SCFD2: variants seen among roughly 807,000 people sequenced by gnomAD.
SCFD2 encodes the protein sec1 family domain containing 2.
SCFD2 carries 54 observed loss-of-function variants against 58.9 expected under a neutral mutation model. The ratio of observed to expected loss-of-function variants is 0.92; its 90% CI spans 0.74 to 1.15. The LOEUF (loss-of-function observed/expected upper bound fraction) is 1.15. Ranked by LOEUF, SCFD2 falls within the 50% of genes most tolerant of loss-of-function variation. The pLI, the probability that SCFD2 is intolerant of heterozygous loss-of-function variation, is 0.00. For missense variants in SCFD2, 805 were observed against 836.6 expected (o/e 0.96, Z 0.47); for synonymous variants, 321 against 335.9 (o/e 0.96, Z 0.49).
chr4:53,004,613 G>A (rs1417322546), intron 5 of SCFD2, among the ~76,000 whole-genome samples: 1 of 152,228 alleles, frequency 6.6e-6, no homozygotes, highest in African/African-American at 2.4e-5. Context: ...AAGTGGTAGA[G>A]TTAGAATTTG....
chr4:53,358,772 T>C (rs1407585987), intron 1 of SCFD2, among the ~76,000 whole-genome samples: 1 of 152,130 alleles, frequency 6.6e-6, no homozygotes, highest in Non-Finnish European at 1.5e-5. Context: ...TTTTTAATTG[T>C]CCCTGGAAAC....
intron 6 of SCFD2, among the ~76,000 whole-genome samples, chr4:52,909,612 T>G (rs73143093): frequency 0.018 from 2,765 of 151,972 alleles, 106 homozygotes; most frequent in African/African-American, 0.064. Context: ...ATTGTATTGT[T>G]TATTTATTTA....
At chr4:52,989,241 T>C (rs1303795583) in intron 5 of SCFD2, among the ~76,000 whole-genome samples, 1 of 152,210 alleles carries the variant, frequency 6.6e-6, no homozygotes, top group African/African-American at 2.4e-5. Context: ...TTGTGGATTA[T>C]CTTATTAGTC....
intron 3 of SCFD2, among the ~76,000 whole-genome samples, chr4:53,295,298 G>A (rs1245819180): frequency 6.6e-6 from 1 of 152,114 alleles, no homozygotes; most frequent in East Asian, 1.9e-4. Context: ...CCATTTGTTT[G>A]TGTCCTCTCT....
chr4:52,927,189 T>C (rs181107432), intron 5 of SCFD2, among the ~76,000 whole-genome samples: 135 of 152,290 alleles, frequency 8.9e-4, no homozygotes, highest in African/African-American at 3.1e-3. Context: ...TACAAACATT[T>C]CTAAATTATT....
intron 3 of SCFD2, among the ~76,000 whole-genome samples, chr4:53,310,950 A>G (rs1458857198): frequency 6.6e-6 from 1 of 152,234 alleles, no homozygotes; most frequent in Non-Finnish European, 1.5e-5. Flanking sequence ...TTTATACTTC[A>G]GTAGAAACTA....
intron 4 of SCFD2, among the ~76,000 whole-genome samples, chr4:53,258,577 T>TATATATATATATATATATATATAC (rs757658747): frequency 1.2e-4 from 15 of 121,336 alleles, no homozygotes; most frequent in East Asian, 2.6e-4. Flanking sequence ...TATATATATA[T>TATATATATATATATATATATATAC]ACACACACAT....
At chr4:53,343,659 A>AT (rs1313724352) in intron 2 of SCFD2, among the ~76,000 whole-genome samples, 4 of 152,212 alleles carry the variant, frequency 2.6e-5, no homozygotes, top group Non-Finnish European at 5.9e-5. Flanking sequence ...AAAAAAGAGA[A>AT]TTTTAGACCA....
At chr4:52,956,393 T>C (rs955651615) in intron 5 of SCFD2, 4 of 371,000 alleles carry the variant, frequency 1.1e-5, no homozygotes. Flanking sequence ...TAAATTATCT[T>C]AAGGAAAAGA....
chr4:52,939,887 T>C (rs1374923448), intron 5 of SCFD2, among the ~76,000 whole-genome samples: 1 of 152,204 alleles, frequency 6.6e-6, no homozygotes, highest in African/African-American at 2.4e-5. Flanking sequence ...CACACATAAC[T>C]CTGGTGGCAT....
chr4:53,339,751 C>A (rs1380273285), intron 2 of SCFD2, among the ~76,000 whole-genome samples: 1 of 151,102 alleles, frequency 6.6e-6, no homozygotes, highest in Non-Finnish European at 1.5e-5. Flanking sequence ...ACCTAGGCAA[C>A]AGAGTGAGAC....
chr4:53,056,150 T>C (rs929941838), intron 5 of SCFD2, among the ~76,000 whole-genome samples: 1 of 146,742 alleles, frequency 6.8e-6, no homozygotes, highest in African/African-American at 2.5e-5. Context: ...TTTCAGGTCA[T>C]AGGGGAAGGC....
At chr4:53,137,018 CCT>C (rs1288296769) in intron 5 of SCFD2, among the ~76,000 whole-genome samples, 29 of 152,328 alleles carry the variant, frequency 1.9e-4, no homozygotes, top group African/African-American at 7.0e-4. Flanking sequence ...CTTAGAATTT[CCT>C]CTGTTAGAGA....
At chr4:53,347,812 A>G (rs1308807097) in intron 2 of SCFD2, among the ~76,000 whole-genome samples, 2 of 152,240 alleles carry the variant, frequency 1.3e-5, no homozygotes, top group African/African-American at 2.4e-5. Context: ...CTTGGCTTTC[A>G]CCAAAAGGCA....
At chr4:53,026,750 T>C (rs1290461947) in intron 5 of SCFD2, among the ~76,000 whole-genome samples, 1 of 152,134 alleles carries the variant, frequency 6.6e-6, no homozygotes, top group Non-Finnish European at 1.5e-5. Context: ...CTGCCATTAC[T>C]TGAAGGTCAC....
chr4:53,335,025 C>A lies in SCFD2; in HGVS notation c.1007+17573G>T, dbSNP rs146248750. On this transcript the variant is annotated intron_variant, in intron 2 of 8. Transcript: ENST00000401642. ...CGGCCTAGCCAACATAGCAAAACCC[C>A]ATCTCTACTAAAAATACAAAAATCA... Among the ~76,000 whole-genome samples the A allele has an allele frequency of 8.5e-3, 1,299 of 151,948 alleles. 12 individuals carry two copies. The highest frequency in any genetic ancestry group is 0.03 in the African/African-American group (1,237 of 41,488).
chr4:53,278,966 C>CTAAT (rs767062235), intron 3 of SCFD2, among the ~76,000 whole-genome samples: 87 of 149,036 alleles, frequency 5.8e-4, no homozygotes, highest in Non-Finnish European at 1.1e-3. Context: ...TGGAAATCAA[C>CTAAT]TAATTGACCA....
At chr4:53,193,591 T>C (rs1428017493) in intron 4 of SCFD2, among the ~76,000 whole-genome samples, 4 of 152,156 alleles carry the variant, frequency 2.6e-5, no homozygotes, top group Admixed American at 1.3e-4. Context: ...ATGTCTTCTC[T>C]GGAAACCTTC....
rs191175552 is a variant in SCFD2 at position 53,076,601 on chromosome 4, A to G, written c.1561+68732T>C. 2.0e-3 allele frequency among the ~76,000 whole-genome samples: 297 copies of G among 152,304 alleles called. 1 individual carries two copies. Among genetic ancestry groups the G allele is most frequent in the Admixed American group, 6.9e-3 (105 of 15,286 alleles). ...AGGTGTTGGTGAAATATTAAGAGGA[A>G]AATGAGGTGGACGGACCAATCAGTG... On this transcript the variant is annotated intron_variant, in intron 5 of 8. Coordinates refer to ENST00000401642, the MANE Select transcript of SCFD2 (RefSeq NM_152540.4).
Sources: gnomAD v4.1 joint callset for allele counts (sites outside exome capture counted in the v4.1 genomes callset) on GRCh38, gnomAD v4.1.1 for gene constraint, MANE v1.5 for transcripts, NCBI Gene and HGNC (gene_info 2026-07-23, HGNC 2026-07-21) for gene names.